The following NET1 variants were observed in gnomAD, a reference collection of about 807,000 sequenced individuals.
NET1 encodes neuroepithelial cell transforming 1.
Under a neutral mutation model 61.1 loss-of-function variants are expected in NET1, and 42 were observed. The ratio of observed to expected loss-of-function variants is 0.69; its 90% CI spans 0.54 to 0.89. The LOEUF (loss-of-function observed/expected upper bound fraction) is 0.89. Ranked by LOEUF, NET1 falls within the 40% of genes least tolerant of loss-of-function variation. NET1 has a pLI of 0.00. For synonymous variants in NET1, 254 were observed against 281.8 expected (o/e 0.90, Z 0.99); for missense variants, 654 against 747.3 (o/e 0.88, Z 1.46).
chr10:5,443,618 G>A lies in NET1; in HGVS notation c.256-8212G>A, dbSNP rs1247669048. Among the ~76,000 whole-genome samples, 2 of 152,136 alleles carry A rather than the reference G, an allele frequency of 1.3e-5. No homozygotes were observed. Among genetic ancestry groups the A allele is most frequent in the African/African-American group, 4.8e-5 (2 of 41,442 alleles). ...CATGTTCATCATTCCTTTTTTAGAT[G>A]CTGTCTACATTTAGACCCCAAACCT... On this transcript the variant is annotated intron_variant, in intron 3 of 11. Transcript: ENST00000355029. The surrounding 1 kb of genome is among the most constrained non-coding windows in gnomAD (Gnocchi z 4.8).
At position 5,443,897 on chromosome 10, in the gene NET1, T is replaced by C. The variant is rs1832563370; in HGVS notation, c.256-7933T>C. ...CGGGTAAGAATCCCAGGAGAACTCCTAGCTGCTTCTTTCCTAACTCCCACT... is the reference window on the plus strand; with the variant it reads ...CGGGTAAGAATCCCAGGAGAACTCCCAGCTGCTTCTTTCCTAACTCCCACT... On this transcript the variant is annotated intron_variant, in intron 3 of 11. Coordinates refer to ENST00000355029, the MANE Select transcript of NET1 (RefSeq NM_001047160.3). This position sits in a 1 kb window ranked among gnomAD's most constrained non-coding sequence, Gnocchi z 4.8. Among the ~76,000 whole-genome samples, 1 of 152,228 alleles carries C rather than the reference T, an allele frequency of 6.6e-6. No homozygotes were observed. Among genetic ancestry groups the C allele is most frequent in the South Asian group, 2.1e-4 (1 of 4,830 alleles).
At position 5,413,126 on chromosome 10, in the gene NET1, C is replaced by T. The variant is rs368337510; in HGVS notation, c.128+306C>T. 9.7e-4 allele frequency among the ~76,000 whole-genome samples: 147 copies of T among 152,112 alleles called. 3 individuals are homozygous for T. The highest frequency in any genetic ancestry group is 8.7e-3 in the South Asian group (42 of 4,814). On this transcript the variant is annotated intron_variant, in intron 1 of 11. Transcript: ENST00000355029. Reference sequence around the variant, plus strand: ...CTTGGACCGAGGTCGGTCCTGAGACCCCAAACTGCGATTTTCCCTGCCTGT... The same window carrying T: ...CTTGGACCGAGGTCGGTCCTGAGACTCCAAACTGCGATTTTCCCTGCCTGT...
rs139203225 is a variant in NET1, at chr10:5,452,373, G to C, written c.379G>C (p.Gly127Arg). 4 of 1,608,206 alleles carry C rather than the reference G, an allele frequency of 2.5e-6. No individual in the cohort carries two copies. The highest frequency in any genetic ancestry group is 2.5e-6 in the Non-Finnish European group (3 of 1,176,782). ...CTTTTTTAAGTCATTTACCCTTCGT[G>C]GTGACCACAGATCCCCAGCCTCTGC... ...GQTIQSFTLR[G>R]DHRSPASAQK... Residue 127 changes from glycine (G) to arginine (R), a missense_variant, in exon 5 of 12, where the codon GGT becomes CGT. Coordinates refer to ENST00000355029, the MANE Select transcript of NET1 (RefSeq NM_001047160.3). This position sits in a 1 kb window ranked among gnomAD's most constrained non-coding sequence, Gnocchi z 4.0.
rs1257508748 is a variant in NET1 at position 5,453,952 on chromosome 10, A to T, written c.769-313A>T. Among the ~76,000 whole-genome samples the T allele has an allele frequency of 6.6e-6, 1 of 152,178 alleles. No homozygotes were observed. Among genetic ancestry groups the T allele is most frequent in the Non-Finnish European group, 1.5e-5 (1 of 68,030 alleles). On this transcript the variant is annotated intron_variant, in intron 8 of 11. Transcript: ENST00000355029. The surrounding 1 kb of genome is among the most constrained non-coding windows in gnomAD (Gnocchi z 4.9). ...CTAGTGAAGGAATAGCCAAGCACAT[A>T]AACAGTCTCAGGGCTGGTGGCAAAT... is the stretch of plus-strand genomic sequence containing the variant.
chr10:5,441,894 G>A lies in NET1; in HGVS notation c.256-9936G>A, dbSNP rs1207422105. Among the ~76,000 whole-genome samples, 1 of 151,956 alleles carries A rather than the reference G, an allele frequency of 6.6e-6. No individual in the cohort carries two copies. The highest frequency in any genetic ancestry group is 1.5e-5 in the Non-Finnish European group (1 of 67,988). On this transcript the variant is annotated intron_variant, in intron 3 of 11. Coordinates refer to ENST00000355029, the MANE Select transcript of NET1 (RefSeq NM_001047160.3). This position sits in a 1 kb window ranked among gnomAD's most constrained non-coding sequence, Gnocchi z 4.6. Reference sequence around the variant, plus strand: ...TCAATTAATACTTCCTTTTTAGTAAGATTTAAAATTTTATTTTTAACTAAC... The same window carrying A: ...TCAATTAATACTTCCTTTTTAGTAAAATTTAAAATTTTATTTTTAACTAAC...
chr10:5,430,087 A>G (rs978489954), intron 3 of NET1, among the ~76,000 whole-genome samples: 1 of 152,190 alleles, frequency 6.6e-6, no homozygotes, highest in Admixed American at 6.5e-5. Context: ...TAGAAGAATT[A>G]TGTGTTTTAA....
intron 3 of NET1, among the ~76,000 whole-genome samples, chr10:5,450,775 AACTGT>A (rs1832691165): frequency 6.6e-6 from 1 of 152,210 alleles, no homozygotes; most frequent in Non-Finnish European, 1.5e-5. Context: ...TCATTTCAGT[AACTGT>A]GTGAGTCACC....
chr10:5,413,992 T>C (rs911446192), intron 1 of NET1, among the ~76,000 whole-genome samples: 1 of 152,162 alleles, frequency 6.6e-6, no homozygotes, highest in African/African-American at 2.4e-5. Context: ...CTGGAGAGAA[T>C]AGGAAATGAT....
In NET1 at chr10:5,446,914, T is replaced by C; in HGVS notation, c.256-4916T>C. 1 of 1,414,424 alleles carries C rather than the reference T, an allele frequency of 7.1e-7. No individual in the cohort carries two copies. Among genetic ancestry groups the C allele is most frequent in the Non-Finnish European group, 9.8e-7 (1 of 1,023,126 alleles). The allele number at this position is 1,414,424 out of a possible 1,614,324, so 87.6% of individuals were successfully genotyped here. ...GGAATGTTTTCTAACTCCACGGAGC[T>C]TTTAAAATTTTTAACAAGGTATTAA... On this transcript the variant is annotated intron_variant, in intron 3 of 11. Transcript: ENST00000355029. This position sits in a 1 kb window ranked among gnomAD's most constrained non-coding sequence, Gnocchi z 5.0.
In NET1 at chr10:5,412,878, G is replaced by T; in HGVS notation, c.128+58G>T. The stretch of plus-strand genomic sequence containing the variant: ...GGTGAGTGTAGGGGAGCGGAGGGCC[G>T]AACGGGAGGTGAGTGTTGGAGAGGC... On this transcript the variant is annotated intron_variant, in intron 1 of 11. Coordinates refer to ENST00000355029, the MANE Select transcript of NET1 (RefSeq NM_001047160.3). This position sits in a 1 kb window ranked among gnomAD's most constrained non-coding sequence, Gnocchi z 6.5. The T allele has an allele frequency of 8.3e-7, 1 of 1,199,996 alleles. No homozygotes were observed. Among genetic ancestry groups the T allele is most frequent in the African/African-American group, 1.6e-5 (1 of 61,182 alleles). The allele number at this position is 1,199,996 out of a possible 1,614,324, so 74.3% of individuals were successfully genotyped here. A position where few individuals can be genotyped will look rare whatever the true frequency, so the allele number is the denominator to read the frequency against.
chr10:5,453,512 CA>C lies in NET1; in HGVS notation c.722del (p.Lys241SerfsTer14). On this transcript the variant is annotated frameshift_variant, in exon 8 of 12. Transcript: ENST00000355029. LOFTEE classifies it high-confidence loss of function. This position sits in a 1 kb window ranked among gnomAD's most constrained non-coding sequence, Gnocchi z 4.9. ...DLLTRIGEAT[K>X]PDGTVEQIGH... The stretch of plus-strand genomic sequence containing the variant: ...TGTTGACAAGAATAGGAGAAGCAAC[CA>C]AGCCTGATGGAACAGTGGAGCAGAT... The C allele has an allele frequency of 6.2e-7, 1 of 1,614,034 alleles. No individual in the cohort carries two copies. Among genetic ancestry groups the C allele is most frequent in the Non-Finnish European group, 8.5e-7 (1 of 1,180,012 alleles).
chr10:5,418,059 T>C (rs1832110517), intron 1 of NET1, among the ~76,000 whole-genome samples: 1 of 152,180 alleles, frequency 6.6e-6, no homozygotes, highest in Non-Finnish European at 1.5e-5. Context: ...ATTTTGTTAA[T>C]ATTTTGTTGA....
At chr10:5,428,047 T>TCC (rs1832286987) in intron 2 of NET1, among the ~76,000 whole-genome samples, 1 of 91,174 alleles carries the variant, frequency 1.1e-5, no homozygotes, top group Non-Finnish European at 2.2e-5. Flanking sequence ...CCTTTTTTTT[T>TCC]TTTTTTTTTT....
intron 3 of NET1, among the ~76,000 whole-genome samples, chr10:5,436,214 G>GCATATATATA (rs1387050448): frequency 7.3e-5 from 3 of 40,936 alleles, no homozygotes; most frequent in African/African-American, 2.7e-4. Context: ...GTGTGTGTGT[G>GCATATATATA]TGTGTGTGTG....
In NET1 at chr10:5,446,060, A is replaced by G. The variant is rs540880336; in HGVS notation, c.256-5770A>G. Among the ~76,000 whole-genome samples the G allele has an allele frequency of 1.3e-5, 2 of 152,294 alleles. No homozygotes were observed. The highest frequency in any genetic ancestry group is 2.9e-5 in the Non-Finnish European group (2 of 68,020). On this transcript the variant is annotated intron_variant, in intron 3 of 11. Transcript: ENST00000355029. The surrounding 1 kb of genome is among the most constrained non-coding windows in gnomAD (Gnocchi z 5.0). ...AGTAGCCCAGTTTACCCGTAACCTCATGGGAGATTTTCTTCTGGAAGAGAG... is the reference window on the plus strand; with the variant it reads ...AGTAGCCCAGTTTACCCGTAACCTCGTGGGAGATTTTCTTCTGGAAGAGAG...
At chr10:5,434,970 T>C (rs144786836) in intron 3 of NET1, among the ~76,000 whole-genome samples, 143 of 152,318 alleles carry the variant, frequency 9.4e-4, no homozygotes, top group African/African-American at 3.3e-3. Context: ...ACTTTTACTT[T>C]TTCAGAGCTA....
rs201333965 is a variant in NET1 at position 5,415,440 on chromosome 10, C to T, written c.128+2620C>T. On this transcript the variant is annotated intron_variant, in intron 1 of 11. Transcript: ENST00000355029. This position sits in a 1 kb window ranked among gnomAD's most constrained non-coding sequence, Gnocchi z 4.7. ...CATTTTTGGTGGGCCATCCTTTGCT[C>T]TTTTTTTTTTTTCTTTTGAGACGGA... Among the ~76,000 whole-genome samples the T allele has an allele frequency of 3.4e-5, 5 of 145,250 alleles. No individual in the cohort carries two copies. Among genetic ancestry groups the T allele is most frequent in the Non-Finnish European group, 6.0e-5 (4 of 66,952 alleles).
Position 5,417,144 on chromosome 10 carries a change from A to G in NET1, c.128+4324A>G, listed in dbSNP as rs923370691. Among the ~76,000 whole-genome samples, 11 of 147,918 alleles carry G rather than the reference A, an allele frequency of 7.4e-5. No individual in the cohort carries two copies. The highest frequency in any genetic ancestry group is 1.3e-4 in the Non-Finnish European group (9 of 66,764). ...GGCCAAGCTCTGCGTCATTCTGCGA[A>G]TCGATGGCCTGCCAGCTGGCCTGCC... On this transcript the variant is annotated intron_variant, in intron 1 of 11. Transcript: ENST00000355029. This position sits in a 1 kb window ranked among gnomAD's most constrained non-coding sequence, Gnocchi z 5.5.
chr10:5,453,313 G>A lies in NET1; in HGVS notation c.658G>A (p.Gly220Ser). The A allele has an allele frequency of 6.2e-7, 1 of 1,612,684 alleles. No homozygotes were observed. Among genetic ancestry groups the A allele is most frequent in the Non-Finnish European group, 8.5e-7 (1 of 1,178,778 alleles). Residue 220 changes from glycine to serine, a missense_variant, in exon 7 of 12, where the codon GGT (glycine) becomes AGT (serine). Coordinates refer to ENST00000355029, the MANE Select transcript of NET1 (RefSeq NM_001047160.3). The surrounding 1 kb of genome is among the most constrained non-coding windows in gnomAD (Gnocchi z 4.9). ...MSEEELTHIF[G>S]DLDSYIPLHE... Reference sequence around the variant, plus strand: ...AGAAGAGGAACTCACACATATATTTGGTGATCTGGACTCTTACATACCTCT... The same window carrying A: ...AGAAGAGGAACTCACACATATATTTAGTGATCTGGACTCTTACATACCTCT...
Sources: allele counts gnomAD v4.1 joint callset (sites outside exome capture counted in the v4.1 genomes callset), GRCh38; gene constraint gnomAD v4.1.1; non-coding constraint Gnocchi (gnomAD v3.1); transcripts MANE v1.5; gene names NCBI Gene and HGNC (gene_info 2026-07-23, HGNC 2026-07-21).